Variants in NRG3 observed in about 807,000 individuals in gnomAD.
The protein encoded by NRG3 is neuregulin 3.
A neutral mutation model predicts 66.9 loss-of-function variants in NRG3; 31 were observed. That is an observed-to-expected ratio of 0.46 (90% CI 0.35 to 0.63). NRG3 has a LOEUF of 0.63. NRG3 is among the 20% of genes least tolerant of loss of function. The pLI is 0.00. For synonymous variants in NRG3, 393 were observed against 359.4 expected (o/e 1.09, Z -1.06); for missense variants, 910 against 878.9 (o/e 1.04, Z -0.45).
intron 1 of NRG3, among the ~76,000 whole-genome samples, chr10:82,125,315 C>G (rs2132421194): frequency 6.6e-6 from 1 of 151,974 alleles, no homozygotes; most frequent in South Asian, 2.1e-4. Flanking sequence ...TTATGTACAG[C>G]CCTCAGATTA....
chr10:82,656,490 G>A (rs1432097125), intron 2 of NRG3, among the ~76,000 whole-genome samples: 1 of 152,088 alleles, frequency 6.6e-6, no homozygotes, highest in Non-Finnish European at 1.5e-5. Flanking sequence ...ACAAATTGTA[G>A]TGAAACTTTA....
At chr10:82,515,306 T>C (rs1161263618) in intron 2 of NRG3, among the ~76,000 whole-genome samples, 1 of 152,308 alleles carries the variant, frequency 6.6e-6, no homozygotes, top group African/African-American at 2.4e-5. Flanking sequence ...ATTTAAATTA[T>C]CATTCTTGAG....
intron 1 of NRG3, among the ~76,000 whole-genome samples, chr10:82,092,581 G>T (rs146304367): frequency 1.9e-3 from 282 of 152,208 alleles, no homozygotes; most frequent in African/African-American, 6.5e-3. Context: ...TCTTAATTAG[G>T]TCTGTTGGGA....
intron 1 of NRG3, among the ~76,000 whole-genome samples, chr10:82,098,052 TATACAC>T (rs1295674873): frequency 1.9e-4 from 21 of 111,824 alleles, no homozygotes; most frequent in East Asian, 1.1e-3. Flanking sequence ...CTGCCACATA[TATACAC>T]ACACACACAC....
At chr10:82,678,740 G>A (rs138461489) in intron 2 of NRG3, among the ~76,000 whole-genome samples, 102 of 151,958 alleles carry the variant, frequency 6.7e-4, no homozygotes, top group African/African-American at 2.4e-3. Context: ...GAGCAACAGC[G>A]GACATTACCA....
chr10:82,610,422 C>A (rs1260122912), intron 2 of NRG3, among the ~76,000 whole-genome samples: 1 of 152,080 alleles, frequency 6.6e-6, no homozygotes, highest in Non-Finnish European at 1.5e-5. Context: ...ATGTTTAATT[C>A]ATTAACATAT....
chr10:82,411,470 C>G (rs1165634153), intron 2 of NRG3, among the ~76,000 whole-genome samples: 1 of 152,120 alleles, frequency 6.6e-6, no homozygotes, highest in East Asian at 1.9e-4. Context: ...TCAGGCATGT[C>G]TCAGAGCCTC....
intron 2 of NRG3, among the ~76,000 whole-genome samples, chr10:82,519,548 C>T (rs1441757490): frequency 6.6e-6 from 1 of 152,156 alleles, no homozygotes; most frequent in Non-Finnish European, 1.5e-5. Context: ...CATAGGAACA[C>T]TCCACCAGCA....
In NRG3 at chr10:82,541,357, G is replaced by T. The variant is rs1300153385; in HGVS notation, c.953+182489G>T. On this transcript the variant is annotated intron_variant, in intron 2 of 8. Transcript: ENST00000372141. ...AAGAACCCCTCGGACACCGAGTTGT[G>T]GAAGGAAAGGCCTTTATTCAGCTGG... Among the ~76,000 whole-genome samples, 3 of 152,130 alleles carry T rather than the reference G, an allele frequency of 2.0e-5. No individual in the cohort carries two copies. In the East Asian group the frequency reaches 5.8e-4, roughly 29 times the overall value.
intron 2 of NRG3, among the ~76,000 whole-genome samples, chr10:82,605,486 T>C (rs888917407): frequency 4.6e-5 from 7 of 152,134 alleles, no homozygotes; most frequent in Middle Eastern, 3.4e-3. Context: ...TTTGCTAATA[T>C]TTTTGATAAT....
intron 1 of NRG3, among the ~76,000 whole-genome samples, chr10:81,941,978 T>C (rs547063102): frequency 3.3e-5 from 5 of 152,284 alleles, no homozygotes; most frequent in Admixed American, 2.6e-4. Context: ...AACAGAAGAC[T>C]ACATTTTAGA....
intron 2 of NRG3, among the ~76,000 whole-genome samples, chr10:82,519,026 A>G (rs553799425): frequency 6.6e-6 from 1 of 152,318 alleles, no homozygotes; most frequent in Admixed American, 6.5e-5. Flanking sequence ...TGGCCTGTGC[A>G]GCTACAATGT....
intron 4 of NRG3, among the ~76,000 whole-genome samples, chr10:82,943,069 C>T (rs993899016): frequency 2.0e-5 from 3 of 152,118 alleles, no homozygotes; most frequent in Non-Finnish European, 4.4e-5. Context: ...GTGGCTAAGG[C>T]TAGTTTTGCA....
chr10:82,154,713 TTC>T (rs1447651658), intron 1 of NRG3, among the ~76,000 whole-genome samples: 1 of 151,860 alleles, frequency 6.6e-6, no homozygotes, highest in African/African-American at 2.4e-5. Context: ...CGGGATTTCT[TTC>T]TGTTTGTACA....
rs567393228 is a variant in NRG3 at position 82,299,562 on chromosome 10, ATTG to A, written c.824-59168_824-59166del. Among the ~76,000 whole-genome samples the A allele has an allele frequency of 8.5e-3, 1,066 of 125,524 alleles. 39 individuals carry two copies. Among genetic ancestry groups the A allele is most frequent in the Admixed American group, 0.069 (908 of 13,096 alleles). 82.3% of individuals were successfully genotyped at this position (125,524 alleles called of 152,430 possible). On this transcript the variant is annotated intron_variant, in intron 1 of 8. Transcript: ENST00000372141. ...CAATCCAGCCCTGTTTTTTTTTTTT[ATTG>A]TTGTTGTTAGTTTGTTTTGTTTTTT...
Position 82,973,818 on chromosome 10 carries a change from G to A in NRG3, c.1315G>A (p.Ala439Thr). 2 of 1,613,872 alleles carry A rather than the reference G, an allele frequency of 1.2e-6. No individual in the cohort carries two copies. Among genetic ancestry groups the A allele is most frequent in the Non-Finnish European group, 1.7e-6 (2 of 1,179,778 alleles). Reference protein sequence around the residue: ...YSKVERHPVTALEKMMESSFV... With the variant: ...YSKVERHPVTTLEKMMESSFV... ...AAAGGTGGAAAGGCATCCTGTGACT[G>A]CATTGGAGAAAATGATGGAGTCAAG... The change falls in exon 7 of 9, where the codon GCA becomes ACA. Residue 439 changes from alanine to threonine, a missense_variant. Coordinates refer to ENST00000372141, the MANE Select transcript of NRG3 (RefSeq NM_001010848.4).
intron 1 of NRG3, among the ~76,000 whole-genome samples, chr10:82,273,946 A>G (rs984525135): frequency 6.6e-6 from 1 of 151,926 alleles, no homozygotes; most frequent in African/African-American, 2.4e-5. Flanking sequence ...CCCAAGTATC[A>G]TTCACCTACA....
intron 6 of NRG3, among the ~76,000 whole-genome samples, chr10:82,960,124 C>T (rs1347017192): frequency 2.6e-5 from 4 of 152,134 alleles, no homozygotes; most frequent in Non-Finnish European, 5.9e-5. Flanking sequence ...CAAAAAGTCG[C>T]TATTATGATG....
chr10:82,217,995 G>A (rs1419008670), intron 1 of NRG3, among the ~76,000 whole-genome samples: 1 of 151,290 alleles, frequency 6.6e-6, no homozygotes, highest in Non-Finnish European at 1.5e-5. Flanking sequence ...TTTTAGTCTG[G>A]ATATTTCCTA....
Sources: gnomAD v4.1 joint callset for allele counts (sites outside exome capture counted in the v4.1 genomes callset) on GRCh38, gnomAD v4.1.1 for gene constraint, MANE v1.5 for transcripts, NCBI Gene and HGNC (gene_info 2026-07-23, HGNC 2026-07-21) for gene names.